Variants in HCRTR2 observed in about 807,000 individuals in gnomAD.
HCRTR2 encodes orexin receptor type 2.
A neutral mutation model predicts 49.0 loss-of-function variants in HCRTR2; 22 were observed. The ratio of observed to expected loss-of-function variants is 0.45; its 90% confidence interval spans 0.32 to 0.64. The LOEUF is 0.64. Among genes scored for constraint, HCRTR2 ranks in the 30% least tolerant of loss-of-function variants. HCRTR2 has a pLI of 0.04. For missense variants in HCRTR2, 491 were observed against 559.4 expected, an observed-to-expected ratio of 0.88 and a Z score of 1.23; for synonymous variants, 236 against 205.3, an observed-to-expected ratio of 1.15 and a Z score of -1.28.
At chr6:55,173,591 G>A (rs1264499701), upstream of HCRTR2, among the ~76,000 whole-genome samples, 1 of 152,152 alleles carries the variant, frequency 6.6e-6, no homozygotes, top group African/African-American at 2.4e-5. Context: ...ATGGGATGTG[G>A]TATTTACCAG....
At chr6:55,188,092 T>G (rs556428982) in intron 1 of HCRTR2, among the ~76,000 whole-genome samples, 54 of 152,208 alleles carry the variant, frequency 3.5e-4, no homozygotes, top group African/African-American at 1.2e-3. Context: ...ATAAATGCAG[T>G]CTTGTGTTCC....
chr6:55,121,694 C>T lies in HCRTR2; in HGVS notation c.-378+15149C>T, dbSNP rs1196493328. On this transcript the variant is annotated intron_variant, in intron 1 of 7. Transcript: ENST00000615358. ...AAAGGCTGTTGAATTTTGTCAAAGGCCTTTTCTGCGTCTATTGAGATAATC... is the reference window on the plus strand; with the variant it reads ...AAAGGCTGTTGAATTTTGTCAAAGGTCTTTTCTGCGTCTATTGAGATAATC... Among the ~76,000 whole-genome samples, 5 of 152,038 alleles carry T rather than the reference C, an allele frequency of 3.3e-5. No individual in the cohort carries two copies. The South Asian group carries it at 8.3e-4, about 25-fold the overall frequency.
intron 1 of HCRTR2, among the ~76,000 whole-genome samples, chr6:55,229,436 G>T (rs1766072454): frequency 6.6e-6 from 1 of 152,094 alleles, no homozygotes; most frequent in Non-Finnish European, 1.5e-5. Context: ...ATGTTGAAGA[G>T]ATATCTGCAC....
chr6:55,207,800 C>CT (rs956420196), intron 1 of HCRTR2, among the ~76,000 whole-genome samples: 1 of 152,126 alleles, frequency 6.6e-6, no homozygotes, highest in African/African-American at 2.4e-5. Context: ...GCACAACTCA[C>CT]TTTTTTTCTA....
intron 3 of HCRTR2, among the ~76,000 whole-genome samples, chr6:55,260,649 A>T (rs1288791004): frequency 6.6e-6 from 1 of 152,136 alleles, no homozygotes; most frequent in East Asian, 1.9e-4. Context: ...ATCTAAACCA[A>T]AAGAGAAGAT....
In HCRTR2 at chr6:55,248,766, T is replaced by C. The variant is rs1766493793; in HGVS notation, c.351T>C (p.Thr117=). Residue 117 remains threonine (T), a synonymous_variant, in exon 2 of 7, where the codon ACT becomes ACC. Coordinates refer to ENST00000370862, the MANE Select transcript of HCRTR2 (RefSeq NM_001384272.1). ...CLPATLVVDI[T]ETWFFGQSLC... is the part of the protein sequence containing the mutation. ...CAGCCACACTGGTCGTGGATATCAC[T>C]GAGACCTGGTTTTTTGGACAGTCCC... is the stretch of plus-strand genomic sequence containing the variant. 10 of 1,613,408 alleles carry C rather than the reference T, an allele frequency of 6.2e-6. No homozygotes were observed. The highest frequency in any genetic ancestry group is 7.6e-6 in the Non-Finnish European group (9 of 1,179,550).
At chr6:55,252,696 A>C (rs986602530) in intron 2 of HCRTR2, among the ~76,000 whole-genome samples, 5 of 152,102 alleles carry the variant, frequency 3.3e-5, no homozygotes, top group Non-Finnish European at 5.9e-5. Context: ...GCCCATTCTC[A>C]TAGAGTCCAG....
intron 1 of HCRTR2, among the ~76,000 whole-genome samples, chr6:55,143,839 G>A (rs1425314594): frequency 6.6e-6 from 1 of 152,148 alleles, no homozygotes; most frequent in African/African-American, 2.4e-5. Context: ...CCTGGTGCCA[G>A]GTCTCACTGC....
chr6:55,166,713 A>G (rs1365240184), intron 1 of HCRTR2, among the ~76,000 whole-genome samples: 1 of 152,132 alleles, frequency 6.6e-6, no homozygotes, highest in Admixed American at 6.6e-5. Flanking sequence ...TGCACCCAAG[A>G]GCATTGAAAA....
intron 1 of HCRTR2, among the ~76,000 whole-genome samples, chr6:55,188,250 C>A (rs767487774): frequency 6.6e-6 from 1 of 152,202 alleles, no homozygotes; most frequent in Non-Finnish European, 1.5e-5. Context: ...CATAACTAAT[C>A]ACCAATGCCT....
At chr6:55,116,909 C>T (rs944729496) in intron 1 of HCRTR2, among the ~76,000 whole-genome samples, 1 of 151,586 alleles carries the variant, frequency 6.6e-6, no homozygotes, top group African/African-American at 2.4e-5. Context: ...GATTTCCATC[C>T]TTGCTAAACG....
chr6:55,245,469 T>TTTTATATATATATATATATA (rs1766418232), intron 1 of HCRTR2, among the ~76,000 whole-genome samples: 1 of 56,800 alleles, frequency 1.8e-5, no homozygotes, highest in African/African-American at 5.7e-5. Flanking sequence ...TAGGAAGATT[T>TTTTATATATATATATATATA]TATATATATA....
chr6:55,205,897 CTTA>C (rs1765592636), intron 1 of HCRTR2, among the ~76,000 whole-genome samples: 1 of 151,962 alleles, frequency 6.6e-6, no homozygotes, highest in Non-Finnish European at 1.5e-5. Flanking sequence ...TTTTTACACC[CTTA>C]TTATAATTGT....
At chr6:55,174,912 A>C in intron 1 of HCRTR2, 102 bp downstream of exon 1, 1 of 849,628 alleles carries the variant, frequency 1.2e-6, no homozygotes, top group Non-Finnish European at 2.0e-6. Context: ...GGAAGCAAAC[A>C]AAGAGGTCGC....
At chr6:55,132,604 A>C (rs1448671759) in intron 1 of HCRTR2, among the ~76,000 whole-genome samples, 1 of 151,890 alleles carries the variant, frequency 6.6e-6, no homozygotes, top group Non-Finnish European at 1.5e-5. Flanking sequence ...AGTTATTCAA[A>C]GATGAGCTAC....
chr6:55,245,364 T>G (rs1291133929), intron 1 of HCRTR2, among the ~76,000 whole-genome samples: 1 of 131,216 alleles, frequency 7.6e-6, no homozygotes, highest in East Asian at 2.1e-4. Context: ...GGAACCGATG[T>G]GTGTGTGTAT....
chr6:55,139,539 G>A (rs1764478841), intron 1 of HCRTR2, among the ~76,000 whole-genome samples: 1 of 152,166 alleles, frequency 6.6e-6, no homozygotes, highest in South Asian at 2.1e-4. Context: ...CCTTGAGAGA[G>A]TTGATAAATT....
intron 1 of HCRTR2, among the ~76,000 whole-genome samples, chr6:55,110,036 T>C (rs1764028051): frequency 6.6e-6 from 1 of 152,108 alleles, no homozygotes; most frequent in African/African-American, 2.4e-5. Context: ...GCAGAGACCC[T>C]ACAAGATAGA....
In HCRTR2 at chr6:55,273,885, T is replaced by C. The variant is rs1244247946; in HGVS notation, c.763-3495T>C. ...ATATATATACACATCAGACTAGTCC[T>C]CTGGGATACACACAATCACAAATAC... On this transcript the variant is annotated intron_variant, in intron 4 of 6. Coordinates refer to ENST00000370862, the MANE Select transcript of HCRTR2 (RefSeq NM_001384272.1). Among the ~76,000 whole-genome samples the C allele has an allele frequency of 2.6e-5, 4 of 152,140 alleles. 1 individual carries two copies. Among genetic ancestry groups the C allele is most frequent in the African/African-American group, 9.6e-5 (4 of 41,536 alleles).
Sources: gnomAD v4.1 joint callset for allele counts (sites outside exome capture counted in the v4.1 genomes callset) on GRCh38, gnomAD v4.1.1 for gene constraint, MANE v1.5 for transcripts, NCBI Gene and HGNC (gene_info 2026-07-23, HGNC 2026-07-21) for gene names.